The following RTL10 variants were observed in gnomAD, a reference collection of about 807,000 sequenced individuals.
RTL10 encodes retrotransposon Gag like 10, also known as protein Bop.
For synonymous variants in RTL10, 199 were observed against 188.4 expected, an observed-to-expected ratio of 1.06 and a Z score of -0.46; for missense variants, 477 against 470.7, an observed-to-expected ratio of 1.01 and a Z score of -0.12.
rs1439629569 is a variant in RTL10, at chr22:19,847,509, T to C, written c.*3658A>G. On this transcript the variant is annotated 3_prime_UTR_variant, in exon 3 of 3. Coordinates refer to ENST00000328554, the MANE Select transcript of RTL10 (RefSeq NM_024627.6). The stretch of plus-strand genomic sequence containing the variant: ...TTCTAACCACCCCATGAGGAAAAAC[T>C]CTGGTCACAGCTCAAAAAGGTCAGG... 1 of 985,184 alleles carries C rather than the reference T, an allele frequency of 1.0e-6. No individual in the cohort carries two copies. Among genetic ancestry groups the C allele is most frequent in the Admixed American group, 6.2e-5 (1 of 16,246 alleles). The allele number at this position is 985,184 out of a possible 1,614,324, so 61.0% of individuals were successfully genotyped here. A position where few individuals can be genotyped will look rare whatever the true frequency, so the allele number is the denominator to read the frequency against.
rs34331843 is a variant in RTL10, at chr22:19,847,804, CAA to C, written c.*3361_*3362del. 0.048 allele frequency: 28,437 copies of C among 591,858 alleles called. 25 individuals carry two copies. The highest frequency in any genetic ancestry group is 0.052 in the Non-Finnish European group (25,824 of 500,964). 36.7% of individuals were successfully genotyped at this position (591,858 alleles called of 1,614,324 possible). A position where few individuals can be genotyped will look rare whatever the true frequency, so the allele number is the denominator to read the frequency against. On this transcript the variant is annotated 3_prime_UTR_variant, in exon 3 of 3. Transcript: ENST00000328554. ...ACTTTTAAAATCCTGGAATCATAGGCAAAAAAAAAAAAAAAAAAAAATTCACC... is the reference window on the plus strand; with the variant it reads ...ACTTTTAAAATCCTGGAATCATAGGCAAAAAAAAAAAAAAAAAAATTCACC...
chr22:19,853,524 C>T lies in RTL10; in HGVS notation c.-226+919G>A, dbSNP rs758744965. On this transcript the variant is annotated intron_variant, in intron 2 of 2. Transcript: ENST00000328554. ...CTCTCTGCTTCACCCCACACACAAA[C>T]GCCACCGGCTCACTGGGAGCACAAG... Among the ~76,000 whole-genome samples the T allele has an allele frequency of 4.9e-4, 75 of 152,192 alleles. 1 individual carries two copies. Among genetic ancestry groups the T allele is most frequent in the Non-Finnish European group, 1.9e-4 (13 of 68,024 alleles).
chr22:19,847,803 GCAAAAAAA>G lies in RTL10; in HGVS notation c.*3356_*3363del. 2.3e-6 allele frequency: 1 copy of G among 437,872 alleles called. No homozygotes were observed. The highest frequency in any genetic ancestry group is 4.5e-5 in the African/African-American group (1 of 22,358). 27.1% of individuals were successfully genotyped at this position (437,872 alleles called of 1,614,324 possible). A position where few individuals can be genotyped will look rare whatever the true frequency, so the allele number is the denominator to read the frequency against. On this transcript the variant is annotated 3_prime_UTR_variant, in exon 3 of 3. Transcript: ENST00000328554. ...AACTTTTAAAATCCTGGAATCATAG[GCAAAAAAA>G]AAAAAAAAAAAAAATTCACCCATAT...
In RTL10 at chr22:19,849,157, C is replaced by T; in HGVS notation, c.*2010G>A. 1.0e-6 allele frequency: 1 copy of T among 985,364 alleles called. No individual in the cohort carries two copies. The highest frequency in any genetic ancestry group is 1.2e-6 in the Non-Finnish European group (1 of 829,876). The allele number at this position is 985,364 out of a possible 1,614,324, so 61.0% of individuals were successfully genotyped here. On this transcript the variant is annotated 3_prime_UTR_variant, in exon 3 of 3. Transcript: ENST00000328554. ...AAGACTGAAAATGGGTTTCTTCTGC[C>T]AGCTCACTTGCTTTGCTACCAGGGC...
chr22:19,846,508 C>G lies in RTL10; in HGVS notation c.*4659G>C. 1 of 985,496 alleles carries G rather than the reference C, an allele frequency of 1.0e-6. No homozygotes were observed. The allele number at this position is 985,496 out of a possible 1,614,324, so 61.0% of individuals were successfully genotyped here. ...CACAGGCATGTGGAGACCACAGAAGCCTGCCCAATATAGCGCTGCCAGGAA... is the reference window on the plus strand; with the variant it reads ...CACAGGCATGTGGAGACCACAGAAGGCTGCCCAATATAGCGCTGCCAGGAA... On this transcript the variant is annotated 3_prime_UTR_variant, in exon 3 of 3. Coordinates refer to ENST00000328554, the MANE Select transcript of RTL10 (RefSeq NM_024627.6).
chr22:19,852,551 G>A (rs1601359792), intron 2 of RTL10, 65 bp from the exon 3 acceptor site: 1 of 411,642 alleles, frequency 2.4e-6, no homozygotes, highest in East Asian at 4.1e-5. Context: ...GGACTGGTGG[G>A]AAGAGGCTAC....
In RTL10 at chr22:19,846,564, C is replaced by T. The variant is rs546430600; in HGVS notation, c.*4603G>A. 89 of 985,440 alleles carry T rather than the reference C, an allele frequency of 9.0e-5. No homozygotes were observed. The South Asian group carries it at 3.2e-3, about 36-fold the overall frequency. 61.0% of individuals were successfully genotyped at this position (985,440 alleles called of 1,614,324 possible). On this transcript the variant is annotated 3_prime_UTR_variant, in exon 3 of 3. Coordinates refer to ENST00000328554, the MANE Select transcript of RTL10 (RefSeq NM_024627.6). ...AAGACAAAACCAGAGAAGCCTATCG[C>T]GGGCACCGCTGTGGGCAGAACTATG...
At position 19,854,542 on chromosome 22, in the gene RTL10, A is replaced by G. The variant is rs2145910285; in HGVS notation, c.-322-3T>C. On this transcript the variant is annotated splice_polypyrimidine_tract_variant and splice_region_variant and intron_variant, in intron 1 of 2. Coordinates refer to ENST00000328554, the MANE Select transcript of RTL10 (RefSeq NM_024627.6). ...GAGGGCGAGAGTCCAGGCGCCACCT[A>G]GAAAGTGGAGAACGAGATCGGCCGC... The G allele has an allele frequency of 6.5e-6, 1 of 152,856 alleles. No individual in the cohort carries two copies. The highest frequency in any genetic ancestry group is 2.1e-4 in the South Asian group (1 of 4,818). The allele number at this position is 152,856 out of a possible 1,614,324, so 9.5% of individuals were successfully genotyped here.
At position 19,851,219 on chromosome 22, in the gene RTL10, A is replaced by G. The variant is rs1412367202; in HGVS notation, c.1043T>C (p.Val348Ala). 2 of 1,597,354 alleles carry G rather than the reference A, an allele frequency of 1.3e-6. No homozygotes were observed. Among genetic ancestry groups the G allele is most frequent in the South Asian group, 2.2e-5 (2 of 89,018 alleles). ...QEVSLGTPQE[V>A]VEAPETPGEP... ...TCCTGGGGTCTCCGGGGCCTCCACC[A>G]CCTCCTGTGGGGTACCTAAGGACAC... The change falls in exon 3 of 3, where the codon GTG becomes GCG. Residue 348 changes from valine (V) to alanine (A), a missense_variant. Transcript: ENST00000328554.
In RTL10 at chr22:19,849,915, C is replaced by T. The variant is rs576515080; in HGVS notation, c.*1252G>A. 8 of 985,534 alleles carry T rather than the reference C, an allele frequency of 8.1e-6. No homozygotes were observed. The East Asian group carries it at 4.5e-4, about 56-fold the overall frequency. 61.0% of individuals were successfully genotyped at this position (985,534 alleles called of 1,614,324 possible). On this transcript the variant is annotated 3_prime_UTR_variant, in exon 3 of 3. Coordinates refer to ENST00000328554, the MANE Select transcript of RTL10 (RefSeq NM_024627.6). ...AAACTTGGCTCCAGGAGCTTCCAAG[C>T]TCAGCTTCCACTAGAAAACCCCTCC...
chr22:19,851,245 C>T lies in RTL10; in HGVS notation c.1017G>A (p.Glu339=). 3.1e-6 allele frequency: 5 copies of T among 1,605,236 alleles called. No individual in the cohort carries two copies. The highest frequency in any genetic ancestry group is 4.3e-6 in the Non-Finnish European group (5 of 1,175,518). Residue 339 remains glutamate (E), a synonymous_variant, in exon 3 of 3, where the codon GAG becomes GAA. Transcript: ENST00000328554. Reference sequence around the variant, plus strand: ...CCTCCTGTGGGGTACCTAAGGACACCTCCTGGTCTCCCTCTGTCTCCAAAA... The same window carrying T: ...CCTCCTGTGGGGTACCTAAGGACACTTCCTGGTCTCCCTCTGTCTCCAAAA... ...EEVLETEGDQ[E]VSLGTPQEVV...
rs34331843 is a variant in RTL10, at chr22:19,847,804, C to CAAAA, written c.*3359_*3362dup. The CAAAA allele has an allele frequency of 3.3e-4, 199 of 612,088 alleles. 1 individual carries two copies. The highest frequency in any genetic ancestry group is 9.2e-4 in the Middle Eastern group (1 of 1,086). The allele number at this position is 612,088 out of a possible 1,614,324, so 37.9% of individuals were successfully genotyped here. On this transcript the variant is annotated 3_prime_UTR_variant, in exon 3 of 3. Coordinates refer to ENST00000328554, the MANE Select transcript of RTL10 (RefSeq NM_024627.6). ...ACTTTTAAAATCCTGGAATCATAGG[C>CAAAA]AAAAAAAAAAAAAAAAAAAAATTCA...
chr22:19,850,703 G>T lies in RTL10; in HGVS notation c.*464C>A. 1 of 1,234,404 alleles carries T rather than the reference G, an allele frequency of 8.1e-7. No individual in the cohort carries two copies. The highest frequency in any genetic ancestry group is 1.0e-6 in the Non-Finnish European group (1 of 990,366). The allele number at this position is 1,234,404 out of a possible 1,614,324, so 76.5% of individuals were successfully genotyped here. On this transcript the variant is annotated 3_prime_UTR_variant, in exon 3 of 3. Transcript: ENST00000328554. ...GACAGAAGTCACAGGGAGCAGAGAG[G>T]GTGGGGCTAGGGGGACAGACACAGA...
Position 19,852,614 on chromosome 22 carries a change from C to T in RTL10, c.-225-128G>A, listed in dbSNP as rs148084730. The T allele has an allele frequency of 5.5e-3, 1,482 of 268,716 alleles. 3 individuals carry two copies. Among genetic ancestry groups the T allele is most frequent in the Non-Finnish European group, 8.5e-3 (1,216 of 142,662 alleles). 16.6% of individuals were successfully genotyped at this position (268,716 alleles called of 1,614,324 possible). A position where few individuals can be genotyped will look rare whatever the true frequency, so the allele number is the denominator to read the frequency against. On this transcript the variant is annotated intron_variant, in intron 2 of 2. Transcript: ENST00000328554. ...AGGAGCTTTGAATGGAAGGAGGGGC[C>T]CAGGGGGCTGGCCTGGGAGGTCTGA...
chr22:19,850,978 T>G lies in RTL10; in HGVS notation c.*189A>C. 1.4e-6 allele frequency: 2 copies of G among 1,404,150 alleles called. No individual in the cohort carries two copies. The highest frequency in any genetic ancestry group is 3.4e-5 in the South Asian group (2 of 58,306). The allele number at this position is 1,404,150 out of a possible 1,614,324, so 87.0% of individuals were successfully genotyped here. On this transcript the variant is annotated 3_prime_UTR_variant, in exon 3 of 3. Transcript: ENST00000328554. ...GCAGGGAAAGGGCACAGGGCGGAGG[T>G]CAAGCTCTGCTGGAGTTGGGGGAGC...
Position 19,850,244 on chromosome 22 carries a change from C to A in RTL10, c.*923G>T. On this transcript the variant is annotated 3_prime_UTR_variant, in exon 3 of 3. Coordinates refer to ENST00000328554, the MANE Select transcript of RTL10 (RefSeq NM_024627.6). ...CCACTGCACCACCTCAGCCAGTAAT[C>A]CAACACGTGTTTAATGAGCACCAAT... is the stretch of plus-strand genomic sequence containing the variant. 1 of 985,584 alleles carries A rather than the reference C, an allele frequency of 1.0e-6. No homozygotes were observed. Among genetic ancestry groups the A allele is most frequent in the African/African-American group, 1.7e-5 (1 of 57,370 alleles). The allele number at this position is 985,584 out of a possible 1,614,324, so 61.1% of individuals were successfully genotyped here. A position where few individuals can be genotyped will look rare whatever the true frequency, so the allele number is the denominator to read the frequency against.
chr22:19,852,321 C>A lies in RTL10; in HGVS notation c.-60G>T. The A allele has an allele frequency of 1.3e-6, 2 of 1,540,142 alleles. No individual in the cohort carries two copies. The highest frequency in any genetic ancestry group is 1.8e-5 in the Admixed American group (1 of 54,672). On this transcript the variant is annotated 5_prime_UTR_variant, in exon 3 of 3. Transcript: ENST00000328554. ...CACTGGTGGGTGGTGGGGGTGTGGACAGATGTGGCTTGCACGACACAACAG... is the reference window on the plus strand; with the variant it reads ...CACTGGTGGGTGGTGGGGGTGTGGAAAGATGTGGCTTGCACGACACAACAG...
rs1473571070 is a variant in RTL10 at position 19,851,212 on chromosome 22, C to G, written c.1050G>C (p.Glu350Asp). 3.1e-6 allele frequency: 5 copies of G among 1,595,712 alleles called. No individual in the cohort carries two copies. The Admixed American group carries it at 7.1e-5, about 23-fold the overall frequency. The change falls in exon 3 of 3, where the codon GAG (glutamate) becomes GAC (aspartate). Residue 350 changes from glutamate (E) to aspartate (D), a missense_variant. By Grantham distance (45) the Glu-to-Asp change is conservative. Coordinates refer to ENST00000328554, the MANE Select transcript of RTL10 (RefSeq NM_024627.6). ...VSLGTPQEVV[E>D]APETPGEPPL... ...GTGGCTCTCCTGGGGTCTCCGGGGC[C>G]TCCACCACCTCCTGTGGGGTACCTA...
Position 19,848,615 on chromosome 22 carries a change from A to C in RTL10, c.*2552T>G. On this transcript the variant is annotated 3_prime_UTR_variant, in exon 3 of 3. Coordinates refer to ENST00000328554, the MANE Select transcript of RTL10 (RefSeq NM_024627.6). Reference sequence around the variant, plus strand: ...TTTCTGGGCAGAGCCCAACCACAATAAACAGGACGCGTTTTAATTAAAAAC... The same window carrying C: ...TTTCTGGGCAGAGCCCAACCACAATCAACAGGACGCGTTTTAATTAAAAAC... The C allele has an allele frequency of 1.0e-6, 1 of 985,448 alleles. No individual in the cohort carries two copies. 61.0% of individuals were successfully genotyped at this position (985,448 alleles called of 1,614,324 possible). A position where few individuals can be genotyped will look rare whatever the true frequency, so the allele number is the denominator to read the frequency against.
Sources: gnomAD v4.1 joint callset for allele counts (sites outside exome capture counted in the v4.1 genomes callset) on GRCh38, gnomAD v4.1.1 for gene constraint, MANE v1.5 for transcripts, NCBI Gene and HGNC (gene_info 2026-07-23, HGNC 2026-07-21) for gene names.